The following KCNH7 variants were observed in gnomAD, a reference collection of about 807,000 sequenced individuals.
The protein encoded by KCNH7 is potassium voltage-gated channel subfamily H member 7.
A neutral mutation model predicts 120.8 loss-of-function variants in KCNH7; 49 were observed. That is an observed-to-expected ratio of 0.41 (90% CI 0.32 to 0.51). The LOEUF is 0.51. Among genes scored for constraint, KCNH7 ranks in the 20% least tolerant of loss-of-function variants. The pLI is 0.38. For synonymous variants in KCNH7, 547 were observed against 516.1 expected, an observed-to-expected ratio of 1.06 and a Z score of -0.81; for missense variants, 1,097 against 1,446.6, an observed-to-expected ratio of 0.76 and a Z score of 3.92.
chr2:162,600,185 G>C (rs915328811), intron 2 of KCNH7, among the ~76,000 whole-genome samples: 1 of 152,016 alleles, frequency 6.6e-6, no homozygotes, highest in African/African-American at 2.4e-5. Context: ...AACACCACCT[G>C]TTATGAGCTT....
intron 6 of KCNH7, among the ~76,000 whole-genome samples, chr2:162,462,692 A>T (rs376993060): frequency 2.6e-5 from 4 of 152,062 alleles, no homozygotes; most frequent in African/African-American, 9.6e-5. Context: ...GCACAGTTAG[A>T]TGATTCCTCA....
chr2:162,556,575 T>C lies in KCNH7; in HGVS notation c.308-19495A>G, dbSNP rs7590221. On this transcript the variant is annotated intron_variant, in intron 2 of 15. Transcript: ENST00000332142. ...AAAGAGGAAACCAGTCACAGACAAC[T>C]GGCTGCAATGTATCTGACATGATTA... Among the ~76,000 whole-genome samples the C allele has an allele frequency of 6.8e-3, 1,030 of 152,300 alleles. 17 individuals carry two copies. The highest frequency in any genetic ancestry group is 0.023 in the African/African-American group (964 of 41,560).
At chr2:162,426,071 AGGTATGGTG>A (rs1687851413) in intron 8 of KCNH7, among the ~76,000 whole-genome samples, 2 of 151,932 alleles carry the variant, frequency 1.3e-5, no homozygotes, top group Admixed American at 1.3e-4. Context: ...AACATTAGCC[AGGTATGGTG>A]GTGTGCGCCT....
At chr2:162,664,214 T>C (rs1685061691) in intron 2 of KCNH7, among the ~76,000 whole-genome samples, 1 of 152,176 alleles carries the variant, frequency 6.6e-6, no homozygotes, top group African/African-American at 2.4e-5. Context: ...TTATTGACCC[T>C]TTCTCCAGAG....
chr2:162,706,395 A>C (rs1182449880), intron 2 of KCNH7, among the ~76,000 whole-genome samples: 1 of 152,040 alleles, frequency 6.6e-6, no homozygotes, highest in Non-Finnish European at 1.5e-5. Flanking sequence ...ACTTCCCACT[A>C]TGTACTTTAT....
rs185563303 is a variant in KCNH7, at chr2:162,406,174, T to C, written c.2155-5733A>G. On this transcript the variant is annotated intron_variant, in intron 9 of 15. Transcript: ENST00000332142. ...GTGGTTATACTTTCTCGATTCTGTT[T>C]GGATAAGTGTCAACAATTGAGCTGG... Among the ~76,000 whole-genome samples the C allele has an allele frequency of 2.1e-3, 325 of 152,102 alleles. 4 individuals are homozygous for C. The highest frequency in any genetic ancestry group is 7.6e-3 in the African/African-American group (317 of 41,548).
At chr2:162,697,689 T>C (rs944714309) in intron 2 of KCNH7, among the ~76,000 whole-genome samples, 5 of 152,098 alleles carry the variant, frequency 3.3e-5, no homozygotes, top group Non-Finnish European at 5.9e-5. Context: ...CAATTCATAA[T>C]GCTAAACATT....
chr2:162,823,923 T>A (rs569788674), intron 2 of KCNH7, among the ~76,000 whole-genome samples: 2 of 151,030 alleles, frequency 1.3e-5, no homozygotes, highest in South Asian at 4.2e-4. Context: ...ATATAAGAAG[T>A]ACCTATGAAA....
chr2:162,649,702 G>C (rs1322749487), intron 2 of KCNH7, among the ~76,000 whole-genome samples: 2 of 151,956 alleles, frequency 1.3e-5, no homozygotes, highest in Non-Finnish European at 1.5e-5. Flanking sequence ...GAGAGAGAGA[G>C]GGAGAGAGAG....
chr2:162,655,088 ATTTAT>A (rs1428033607), intron 2 of KCNH7, among the ~76,000 whole-genome samples: 1 of 152,168 alleles, frequency 6.6e-6, no homozygotes, highest in Non-Finnish European at 1.5e-5. Context: ...GTTAATAATA[ATTTAT>A]TTTATTATTG....
intron 2 of KCNH7, among the ~76,000 whole-genome samples, chr2:162,613,539 C>CTT (rs1176433245): frequency 1.3e-5 from 2 of 151,984 alleles, no homozygotes; most frequent in African/African-American, 4.8e-5. Context: ...AAAATTTACA[C>CTT]TTTAATTGTC....
intron 7 of KCNH7, 79 bp downstream of exon 7, chr2:162,445,939 C>T: frequency 9.0e-7 from 1 of 1,111,730 alleles, no homozygotes; most frequent in South Asian, 1.6e-5. Context: ...TGCAAAGCAA[C>T]TCTTCTTTTT....
rs578070630 is a variant in KCNH7, at chr2:162,658,183, T to A, written c.308-121103A>T. Among the ~76,000 whole-genome samples, 123 of 151,952 alleles carry A rather than the reference T, an allele frequency of 8.1e-4. 1 individual carries two copies. In the South Asian group the frequency reaches 0.024, roughly 29 times the overall value. ...CTGGTACAGGCTCAGCTTTTTTTTT[T>A]AATTATTGTTATTTTTTTATTTGTG... On this transcript the variant is annotated intron_variant, in intron 2 of 15. Transcript: ENST00000332142.
chr2:162,448,904 T>C lies in KCNH7; in HGVS notation c.1129-2461A>G, dbSNP rs544503723. Among the ~76,000 whole-genome samples, 17 of 151,942 alleles carry C rather than the reference T, an allele frequency of 1.1e-4. 2 individuals carry two copies. The highest frequency in any genetic ancestry group is 1.1e-3 in the Admixed American group (17 of 15,200). On this transcript the variant is annotated intron_variant, in intron 6 of 15. Coordinates refer to ENST00000332142, the MANE Select transcript of KCNH7 (RefSeq NM_033272.4). ...GGTCCACTTCACTCAGGGCCTGGGA[T>C]TGGTGATGGTGCTGATGGAGTAGGT...
chr2:162,708,690 T>C (rs1322184120), intron 2 of KCNH7, among the ~76,000 whole-genome samples: 1 of 152,020 alleles, frequency 6.6e-6, no homozygotes, highest in Non-Finnish European at 1.5e-5. Context: ...TAGAGATAAG[T>C]AGAATGGTTA....
chr2:162,808,965 G>A (rs1684640840), intron 2 of KCNH7, among the ~76,000 whole-genome samples: 1 of 152,110 alleles, frequency 6.6e-6, no homozygotes, highest in African/African-American at 2.4e-5. Context: ...GGTTTGGAGG[G>A]TGAAGACTGT....
At chr2:162,718,834 G>A (rs1303737836) in intron 2 of KCNH7, among the ~76,000 whole-genome samples, 2 of 151,870 alleles carry the variant, frequency 1.3e-5, no homozygotes, top group African/African-American at 4.8e-5. Flanking sequence ...TACCTTTTTA[G>A]TTGCTCTCTA....
chr2:162,635,047 T>C (rs1683906940), intron 2 of KCNH7, among the ~76,000 whole-genome samples: 2 of 152,094 alleles, frequency 1.3e-5, no homozygotes, highest in Non-Finnish European at 2.9e-5. Context: ...ATACCAGTCA[T>C]GTTTCAACTG....
rs1237976091 is a variant in KCNH7 at position 162,486,907 on chromosome 2, AT to A, written c.1128+17535del. 2.0e-5 allele frequency among the ~76,000 whole-genome samples: 3 copies of A among 152,254 alleles called. No individual in the cohort carries two copies. The East Asian group carries it at 5.8e-4, about 29-fold the overall frequency. On this transcript the variant is annotated intron_variant, in intron 6 of 15. Coordinates refer to ENST00000332142, the MANE Select transcript of KCNH7 (RefSeq NM_033272.4). ...AATTTTTAGAACCTTAAACATGCTA[AT>A]TTTTCACATTAATTTCTGGAAGGGT...
Sources: gnomAD v4.1 joint callset for allele counts (sites outside exome capture counted in the v4.1 genomes callset) on GRCh38, gnomAD v4.1.1 for gene constraint, MANE v1.5 for transcripts, NCBI Gene and HGNC (gene_info 2026-07-23, HGNC 2026-07-21) for gene names.